IGF1R: variants seen among roughly 807,000 people sequenced by gnomAD.
The protein encoded by IGF1R is insulin-like growth factor 1 receptor.
IGF1R carries 44 observed loss-of-function variants against 144.6 expected under a neutral mutation model. The ratio of observed to expected loss-of-function variants is 0.30; its 90% confidence interval spans 0.24 to 0.39. The LOEUF (loss-of-function observed/expected upper bound fraction) is 0.39, where lower values mean the gene tolerates loss of function less well. IGF1R is among the 10% of genes least tolerant of loss of function. The pLI is 1.00. For synonymous variants in IGF1R, 795 were observed against 722.8 expected (o/e 1.10, Z -1.60); for missense variants, 1,355 against 1,833.7 (o/e 0.74, Z 4.77).
intron 3 of IGF1R, chr15:98,893,410 A>T (rs2014025171): frequency 6.6e-6 from 1 of 152,248 alleles, no homozygotes; most frequent in African/African-American, 2.4e-5. Context: ...CAAGGACTTC[A>T]ATGAGCTGTA....
chr15:98,886,229 A>G (rs957888507), intron 2 of IGF1R, among the ~76,000 whole-genome samples: 10 of 152,198 alleles, frequency 6.6e-5, no homozygotes, highest in African/African-American at 2.4e-4. Context: ...AATTTGATAC[A>G]TTCGAGGACT....
chr15:98,830,104 T>A (rs1033759820), intron 2 of IGF1R, among the ~76,000 whole-genome samples: 2 of 152,242 alleles, frequency 1.3e-5, no homozygotes, highest in African/African-American at 4.8e-5. Context: ...ATCTCTTTCT[T>A]CTTCCTTCAG....
intron 4 of IGF1R, among the ~76,000 whole-genome samples, chr15:98,898,460 A>G (rs1323499206): frequency 6.6e-6 from 1 of 152,170 alleles, no homozygotes; most frequent in Middle Eastern, 3.2e-3. Flanking sequence ...TGACTAAGGC[A>G]TGCTTCCTGC....
chr15:98,714,516 C>A (rs764903608), intron 2 of IGF1R, among the ~76,000 whole-genome samples: 1 of 151,962 alleles, frequency 6.6e-6, no homozygotes, highest in African/African-American at 2.4e-5. Context: ...TGTGGAGGCA[C>A]GTGCCTATAG....
At chr15:98,862,535 T>C (rs2012213654) in intron 2 of IGF1R, among the ~76,000 whole-genome samples, 1 of 152,220 alleles carries the variant, frequency 6.6e-6, no homozygotes, top group African/African-American at 2.4e-5. Context: ...CTGTAAAAAG[T>C]AGAGGTTTGT....
chr15:98,656,140 G>A (rs898055040), intron 1 of IGF1R, among the ~76,000 whole-genome samples: 2 of 152,226 alleles, frequency 1.3e-5, no homozygotes, highest in African/African-American at 2.4e-5. Flanking sequence ...GGTGGTTGGT[G>A]GTCTTGAAGC....
rs1406787613 is a variant in IGF1R, at chr15:98,915,982, A to G, written c.1847A>G (p.Asp616Gly). The part of the protein sequence containing the change: ...TNASVPSIPL[D>G]VLSASNSSSQ... Reference sequence around the variant, plus strand: ...TCTCCAGTTCCTTCCATTCCCTTGGACGTTCTTTCAGCATCGAACTCCTCT... The same window carrying G: ...TCTCCAGTTCCTTCCATTCCCTTGGGCGTTCTTTCAGCATCGAACTCCTCT... The change falls in exon 9 of 21, where the codon GAC (aspartate) becomes GGC (glycine). Residue 616 changes from aspartate to glycine, a missense_variant. Asp to Gly is a moderately conservative substitution (Grantham distance 94, BLOSUM62 -1). This residue lies in a region of IGF1R where 880 missense variants were observed against 1,202.7 expected (regional missense o/e 0.73). Transcript: ENST00000650285. The G allele has an allele frequency of 6.2e-7, 1 of 1,613,876 alleles. No homozygotes were observed. Among genetic ancestry groups the G allele is most frequent in the Non-Finnish European group, 8.5e-7 (1 of 1,179,976 alleles).
Position 98,704,713 on chromosome 15 carries a change from A to G in IGF1R, c.95-2849A>G, listed in dbSNP as rs2053820084. 6.6e-6 allele frequency among the ~76,000 whole-genome samples: 1 copy of G among 152,172 alleles called. No homozygotes were observed. Among genetic ancestry groups the G allele is most frequent in the Non-Finnish European group, 1.5e-5 (1 of 68,032 alleles). On this transcript the variant is annotated intron_variant, in intron 1 of 20. Transcript: ENST00000650285. The surrounding 1 kb of genome is among the most constrained non-coding windows in gnomAD (Gnocchi z 4.9). Reference sequence around the variant, plus strand: ...GGAGCTGCGGTGAGAGAGACCATGAAAAGAAGGGCCAGAGCGGTGTCCTGC... The same window carrying G: ...GGAGCTGCGGTGAGAGAGACCATGAGAAGAAGGGCCAGAGCGGTGTCCTGC...
intron 2 of IGF1R, among the ~76,000 whole-genome samples, chr15:98,852,266 C>T (rs1173588197): frequency 1.3e-5 from 2 of 152,186 alleles, no homozygotes; most frequent in Admixed American, 1.3e-4. Flanking sequence ...CCTGCTCTCC[C>T]CTCCGAGGGG....
At chr15:98,768,905 G>C (rs2055509990) in intron 2 of IGF1R, among the ~76,000 whole-genome samples, 1 of 144,124 alleles carries the variant, frequency 6.9e-6, no homozygotes, top group African/African-American at 2.5e-5. Flanking sequence ...TCCAACCTGG[G>C]TGACAGAGTG....
intron 2 of IGF1R, among the ~76,000 whole-genome samples, chr15:98,805,592 T>A (rs2056454084): frequency 6.6e-6 from 1 of 152,220 alleles, no homozygotes; most frequent in Admixed American, 6.5e-5. Context: ...CCACCCTTTC[T>A]GTTTCAGTTG....
At chr15:98,922,024 C>T (rs1424623705) in intron 10 of IGF1R, 124 bp from the exon 11 acceptor site, 29 of 1,001,402 alleles carry the variant, frequency 2.9e-5, no homozygotes, top group Non-Finnish European at 4.5e-5. Context: ...TGAGTTCTTA[C>T]CTAAGGGGGC....
chr15:98,650,897 A>G, intron 1 of IGF1R: 1 of 984,436 alleles, frequency 1.0e-6, no homozygotes, highest in Non-Finnish European at 1.2e-6. Context: ...GTTAGTAGGG[A>G]AGCGCGGGGA....
intron 2 of IGF1R, among the ~76,000 whole-genome samples, chr15:98,839,489 G>A (rs1020883072): frequency 6.6e-6 from 1 of 152,192 alleles, no homozygotes; most frequent in African/African-American, 2.4e-5. Context: ...CCTCGGACAC[G>A]AAAATATTAG....
Position 98,913,025 on chromosome 15 carries a change from G to C in IGF1R, c.1590-19G>C. 2 of 1,591,672 alleles carry C rather than the reference G, an allele frequency of 1.3e-6. No individual in the cohort carries two copies. The highest frequency in any genetic ancestry group is 1.1e-5 in the South Asian group (1 of 90,536). On this transcript the variant is annotated intron_variant, in intron 7 of 20. Transcript: ENST00000650285. ...GATGTCAGAGCCCCGAACTTTCTCTGAACTTAATTGTCTTTCAGACCCTTT... is the reference window on the plus strand; with the variant it reads ...GATGTCAGAGCCCCGAACTTTCTCTCAACTTAATTGTCTTTCAGACCCTTT...
rs2055240721 is a variant in IGF1R at position 98,759,496 on chromosome 15, A to G, written c.640+51389A>G. On this transcript the variant is annotated intron_variant, in intron 2 of 20. Coordinates refer to ENST00000650285, the MANE Select transcript of IGF1R (RefSeq NM_000875.5). ...CTGCATTACAGAAGAACGGCCCCCC[A>G]GGGGGTCTGTTTGATGAACACATGT... Among the ~76,000 whole-genome samples, 10 of 152,340 alleles carry G rather than the reference A, an allele frequency of 6.6e-5. No homozygotes were observed. The South Asian group carries it at 2.1e-3, about 32-fold the overall frequency.
chr15:98,876,430 A>G (rs2013065853), intron 2 of IGF1R, among the ~76,000 whole-genome samples: 1 of 152,144 alleles, frequency 6.6e-6, no homozygotes, highest in Non-Finnish European at 1.5e-5. Context: ...AGTTGCCAAT[A>G]TGATTGGATT....
In IGF1R at chr15:98,704,423, G is replaced by A. The variant is rs571639678; in HGVS notation, c.95-3139G>A. 4.6e-5 allele frequency among the ~76,000 whole-genome samples: 7 copies of A among 152,194 alleles called. No homozygotes were observed. The highest frequency in any genetic ancestry group is 1.4e-4 in the African/African-American group (6 of 41,532). ...GCAGGGTATCACAGAGGAGGAGCTC[G>A]GTGTGTTGGAGGTTGGTGAGTCCCG... On this transcript the variant is annotated intron_variant, in intron 1 of 20. Coordinates refer to ENST00000650285, the MANE Select transcript of IGF1R (RefSeq NM_000875.5). This position sits in a 1 kb window ranked among gnomAD's most constrained non-coding sequence, Gnocchi z 4.9.
intron 2 of IGF1R, among the ~76,000 whole-genome samples, chr15:98,740,293 C>T (rs1257887802): frequency 6.6e-6 from 1 of 152,218 alleles, no homozygotes; most frequent in Non-Finnish European, 1.5e-5. Flanking sequence ...TTTATTAACT[C>T]TTCTCTGCCA....
Sources: allele counts gnomAD v4.1 joint callset (sites outside exome capture counted in the v4.1 genomes callset), GRCh38; gene constraint gnomAD v4.1.1; regional missense constraint gnomAD v4.1.1; non-coding constraint Gnocchi (gnomAD v3.1); transcripts MANE v1.5; gene names NCBI Gene and HGNC (gene_info 2026-07-23, HGNC 2026-07-21).